SV2B: variants seen among roughly 807,000 people sequenced by gnomAD.
SV2B encodes the protein synaptic vesicle glycoprotein 2B, also known as solute carrier family 22 member B2.
A neutral mutation model predicts 73.9 loss-of-function variants in SV2B; 41 were observed. That is an observed-to-expected ratio of 0.56 (90% CI 0.43 to 0.72). The LOEUF (loss-of-function observed/expected upper bound fraction) is 0.72, where lower values mean the gene tolerates loss of function less well. SV2B is among the 30% of genes least tolerant of loss of function. The pLI, the probability that SV2B is intolerant of heterozygous loss-of-function variation, is 0.00. For missense variants in SV2B, 764 were observed against 857.8 expected (o/e 0.89, Z 1.37); for synonymous variants, 314 against 314.2 (o/e 1.00, Z 0.01).
chr15:91,289,367 T>G lies in SV2B; in HGVS notation c.1709-154T>G, dbSNP rs1310851356. Among the ~76,000 whole-genome samples the G allele has an allele frequency of 6.6e-6, 1 of 152,226 alleles. No homozygotes were observed. The highest frequency in any genetic ancestry group is 6.5e-5 in the Admixed American group (1 of 15,286). Reference sequence around the variant, plus strand: ...GGGTGCCTTGTGAGGATTCCAGCTGTGCTCTCTCTGTGTGGAGGGTGAACC... The same window carrying G: ...GGGTGCCTTGTGAGGATTCCAGCTGGGCTCTCTCTGTGTGGAGGGTGAACC... On this transcript the variant is annotated intron_variant, in intron 11 of 12. Transcript: ENST00000394232. The surrounding 1 kb of genome is among the most constrained non-coding windows in gnomAD (Gnocchi z 4.9).
intron 1 of SV2B, among the ~76,000 whole-genome samples, chr15:91,213,142 G>A (rs1312276034): frequency 1.3e-5 from 2 of 152,166 alleles, no homozygotes; most frequent in African/African-American, 4.8e-5. Flanking sequence ...GGTGGAGTGA[G>A]ACCCTGTCTC....
chr15:91,264,959 C>T (rs1961261221), intron 6 of SV2B, among the ~76,000 whole-genome samples: 1 of 152,210 alleles, frequency 6.6e-6, no homozygotes, highest in South Asian at 2.1e-4. Context: ...GTATTCTATA[C>T]TGACTTGATG....
intron 1 of SV2B, among the ~76,000 whole-genome samples, chr15:91,209,185 G>C (rs900414252): frequency 7.3e-6 from 1 of 137,540 alleles, no homozygotes; most frequent in Non-Finnish European, 1.5e-5. Context: ...GCAGTGGCAT[G>C]ATCTCAGTTC....
In SV2B at chr15:91,266,849, G is replaced by A. The variant is rs1209066327; in HGVS notation, c.1119+157G>A. 25 of 557,216 alleles carry A rather than the reference G, an allele frequency of 4.5e-5. 1 individual carries two copies. The highest frequency in any genetic ancestry group is 2.3e-4 in the South Asian group (9 of 39,434). The allele number at this position is 557,216 out of a possible 1,614,324, so 34.5% of individuals were successfully genotyped here. A position where few individuals can be genotyped will look rare whatever the true frequency, so the allele number is the denominator to read the frequency against. On this transcript the variant is annotated intron_variant, in intron 7 of 12. Coordinates refer to ENST00000394232, the MANE Select transcript of SV2B (RefSeq NM_001323032.3). ...GGGGGGCGTTTGGGCTCCAGCCCAC[G>A]TCTGCCTCTAGCTTGCTGTGTGCCC...
At chr15:91,221,855 T>C (rs1323810758) in intron 1 of SV2B, among the ~76,000 whole-genome samples, 2 of 152,170 alleles carry the variant, frequency 1.3e-5, no homozygotes, top group Non-Finnish European at 2.9e-5. Flanking sequence ...GTGTCCAGTT[T>C]AACAACCTTC....
chr15:91,273,594 T>C (rs2048387593), intron 9 of SV2B, among the ~76,000 whole-genome samples: 1 of 152,238 alleles, frequency 6.6e-6, no homozygotes, highest in Non-Finnish European at 1.5e-5. Context: ...GTTCTGTTTT[T>C]CTCTTGTTAT....
rs1260175098 is a variant in SV2B, at chr15:91,229,243, C to G, written c.451+2529C>G. Among the ~76,000 whole-genome samples the G allele has an allele frequency of 6.6e-6, 1 of 151,986 alleles. No homozygotes were observed. The highest frequency in any genetic ancestry group is 6.5e-5 in the Admixed American group (1 of 15,270). ...GAGTCCAACCTCTAGGGTTTGGCGA[C>G]TGGGTACGTCCTACATGTCATCGAT... On this transcript the variant is annotated intron_variant, in intron 2 of 12. Coordinates refer to ENST00000394232, the MANE Select transcript of SV2B (RefSeq NM_001323032.3). This position sits in a 1 kb window ranked among gnomAD's most constrained non-coding sequence, Gnocchi z 4.3.
Position 91,292,839 on chromosome 15 carries a change from A to T in SV2B, c.*287A>T. The T allele has an allele frequency of 3.8e-6, 1 of 262,158 alleles. No homozygotes were observed. Among genetic ancestry groups the T allele is most frequent in the Non-Finnish European group, 7.2e-6 (1 of 139,232 alleles). 16.2% of individuals were successfully genotyped at this position (262,158 alleles called of 1,614,324 possible). A position where few individuals can be genotyped will look rare whatever the true frequency, so the allele number is the denominator to read the frequency against. ...GGATTCTCCAGTGAGTGCACACACT[A>T]TGCGAGGAGCAAGCATTTCTCTAAG... On this transcript the variant is annotated 3_prime_UTR_variant, in exon 13 of 13. Coordinates refer to ENST00000394232, the MANE Select transcript of SV2B (RefSeq NM_001323032.3).
intron 4 of SV2B, among the ~76,000 whole-genome samples, chr15:91,254,761 G>A (rs543241953): frequency 6.6e-6 from 1 of 152,290 alleles, no homozygotes; most frequent in South Asian, 2.1e-4. Flanking sequence ...TTCTTGAGGT[G>A]CACAGAGGAA....
rs2141830796 is a variant in SV2B, at chr15:91,295,954, A to G, written c.*3402A>G. On this transcript the variant is annotated 3_prime_UTR_variant, in exon 13 of 13. Coordinates refer to ENST00000394232, the MANE Select transcript of SV2B (RefSeq NM_001323032.3). ...GAGTACGATGACCTTACAATCCGCAAACTGCACCTTTCATGTGTAAAAGGA... is the reference window on the plus strand; with the variant it reads ...GAGTACGATGACCTTACAATCCGCAGACTGCACCTTTCATGTGTAAAAGGA... 1 of 152,332 alleles carries G rather than the reference A, an allele frequency of 6.6e-6. No individual in the cohort carries two copies. The highest frequency in any genetic ancestry group is 1.5e-5 in the Non-Finnish European group (1 of 68,034). The allele number at this position is 152,332 out of a possible 1,614,324, so 9.4% of individuals were successfully genotyped here.
At chr15:91,285,084 A>G (rs570581061) in intron 11 of SV2B, among the ~76,000 whole-genome samples, 2 of 152,370 alleles carry the variant, frequency 1.3e-5, no homozygotes, top group South Asian at 2.1e-4. Context: ...CCTAGCAGCA[A>G]CGTGCAAAAG....
At chr15:91,176,223 CAT>C (rs1491478785) in intron 1 of SV2B, among the ~76,000 whole-genome samples, 2 of 152,128 alleles carry the variant, frequency 1.3e-5, no homozygotes, top group African/African-American at 2.4e-5. Context: ...ATGAACTCAT[CAT>C]TTTTTTATGG....
In SV2B at chr15:91,136,148, G is replaced by A. The variant is rs2042817355; in HGVS notation, c.-392+35785G>A. On this transcript the variant is annotated intron_variant, in intron 1 of 12. Coordinates refer to ENST00000394232, the MANE Select transcript of SV2B (RefSeq NM_001323032.3). This position sits in a 1 kb window ranked among gnomAD's most constrained non-coding sequence, Gnocchi z 5.6. ...AGTACTGCCTTCACAGACTCCTAGGGATCTGGGAATCCCAGATTAAATGCC... is the reference window on the plus strand; with the variant it reads ...AGTACTGCCTTCACAGACTCCTAGGAATCTGGGAATCCCAGATTAAATGCC... Among the ~76,000 whole-genome samples, 1 of 152,208 alleles carries A rather than the reference G, an allele frequency of 6.6e-6. No homozygotes were observed. Among genetic ancestry groups the A allele is most frequent in the Admixed American group, 6.5e-5 (1 of 15,292 alleles).
rs1008600952 is a variant in SV2B, at chr15:91,232,970, C to G, written c.451+6256C>G. Among the ~76,000 whole-genome samples the G allele has an allele frequency of 9.2e-5, 14 of 152,198 alleles. No homozygotes were observed. The highest frequency in any genetic ancestry group is 1.6e-4 in the Non-Finnish European group (11 of 68,028). ...AGAACATGCAGTGTTTAGTTTTCTA[C>G]TCCTGCATTAATTTGCTTAGAATTA... On this transcript the variant is annotated intron_variant, in intron 2 of 12. Transcript: ENST00000394232. This position sits in a 1 kb window ranked among gnomAD's most constrained non-coding sequence, Gnocchi z 4.7.
intron 1 of SV2B, among the ~76,000 whole-genome samples, chr15:91,165,236 C>G (rs1330944802): frequency 6.6e-6 from 1 of 152,122 alleles, no homozygotes; most frequent in African/African-American, 2.4e-5. Flanking sequence ...ACCTGGAAGG[C>G]TAGAGAATCA....
chr15:91,291,537 A>G (rs2049040104), intron 12 of SV2B, among the ~76,000 whole-genome samples: 1 of 152,210 alleles, frequency 6.6e-6, no homozygotes, highest in Non-Finnish European at 1.5e-5. Context: ...ATGATTAGTA[A>G]TAGTTCTCAC....
intron 1 of SV2B, among the ~76,000 whole-genome samples, chr15:91,172,418 GCTCAGC>G (rs2044154417): frequency 6.6e-6 from 1 of 152,240 alleles, no homozygotes; most frequent in African/African-American, 2.4e-5. Context: ...AGAAGACACA[GCTCAGC>G]CTCTGAGGAT....
In SV2B at chr15:91,252,986, C is replaced by T. The variant is rs889698980; in HGVS notation, c.784+466C>T. Among the ~76,000 whole-genome samples, 3 of 152,164 alleles carry T rather than the reference C, an allele frequency of 2.0e-5. No individual in the cohort carries two copies. The East Asian group carries it at 5.8e-4, about 29-fold the overall frequency. ...TGGAGTCCTGATGTCCCCTCAGGTG[C>T]AGTAGGCTTGTACTCTTTCTGCCCT... On this transcript the variant is annotated intron_variant, in intron 4 of 12. Transcript: ENST00000394232. This position sits in a 1 kb window ranked among gnomAD's most constrained non-coding sequence, Gnocchi z 4.6.
Position 91,289,651 on chromosome 15 carries a change from C to G in SV2B, c.1839C>G (p.Ile613Met). Residue 613 changes from isoleucine to methionine, a missense_variant, in exon 12 of 13, where the codon ATC (isoleucine) becomes ATG (methionine). Coordinates refer to ENST00000394232, the MANE Select transcript of SV2B (RefSeq NM_001323032.3). This position sits in a 1 kb window ranked among gnomAD's most constrained non-coding sequence, Gnocchi z 4.9. Reference protein sequence around the residue: ...SIAAWNALDVITVELYPTNQR... With the variant: ...SIAAWNALDVMTVELYPTNQR... ...CAGCCTGGAATGCTCTGGATGTGAT[C>G]ACAGTGGAGCTGTATCCCACCAACC... 1.2e-6 allele frequency: 2 copies of G among 1,613,732 alleles called. No homozygotes were observed. The highest frequency in any genetic ancestry group is 1.7e-6 in the Non-Finnish European group (2 of 1,180,016).
Sources: gnomAD v4.1 joint callset for allele counts (sites outside exome capture counted in the v4.1 genomes callset) on GRCh38, gnomAD v4.1.1 for gene constraint, Gnocchi (gnomAD v3.1) non-coding constraint, MANE v1.5 for transcripts, NCBI Gene and HGNC (gene_info 2026-07-23, HGNC 2026-07-21) for gene names.